The following ACLY variants were observed in gnomAD, a reference collection of about 807,000 sequenced individuals.
The protein encoded by ACLY is ATP citrate lyase.
Under a neutral mutation model 133.0 loss-of-function variants are expected in ACLY, and 41 were observed. That is an observed-to-expected ratio of 0.31 (90% CI 0.24 to 0.40). The LOEUF is 0.40. Ranked by LOEUF, ACLY falls within the 10% of genes least tolerant of loss-of-function variation. The pLI is 1.00. For missense variants in ACLY, 1,046 were observed against 1,453.8 expected, an observed-to-expected ratio of 0.72 and a Z score of 4.56; for synonymous variants, 495 against 549.3, an observed-to-expected ratio of 0.90 and a Z score of 1.38.
chr17:41,926,211 G>A (rs1555635944), intron 1 of ACLY, among the ~76,000 whole-genome samples: 1 of 152,124 alleles, frequency 6.6e-6, no homozygotes, highest in East Asian at 1.9e-4. Flanking sequence ...AATAACATGA[G>A]GAACATAGCT....
At chr17:41,899,508 C>T (rs551556398) in intron 11 of ACLY, among the ~76,000 whole-genome samples, 2 of 152,208 alleles carry the variant, frequency 1.3e-5, no homozygotes, top group African/African-American at 4.8e-5. Flanking sequence ...CATGGAGCTT[C>T]ACCTGGCTGC....
chr17:41,916,644 G>C (rs2050060008), intron 1 of ACLY, among the ~76,000 whole-genome samples: 1 of 151,618 alleles, frequency 6.6e-6, no homozygotes, highest in Admixed American at 6.6e-5. Context: ...CAAAGTGCTG[G>C]GATTTACAGG....
intron 15 of ACLY, among the ~76,000 whole-genome samples, chr17:41,892,669 C>A (rs1265265618): frequency 6.6e-6 from 1 of 151,834 alleles, no homozygotes; most frequent in African/African-American, 2.4e-5. Context: ...ACTGACTCCT[C>A]AAGCCTTGCC....
chr17:41,929,649 T>C lies in ACLY; in HGVS notation c.-28+709A>G, dbSNP rs181404524. Among the ~76,000 whole-genome samples the C allele has an allele frequency of 9.6e-4, 146 of 152,328 alleles. 1 individual carries two copies. The highest frequency in any genetic ancestry group is 3.3e-3 in the African/African-American group (138 of 41,582). The stretch of plus-strand genomic sequence containing the variant: ...ATAAAACTCCTTCAAGCAGGGACCA[T>C]ATTATTTCTTATATTTTGAATTAAA... On this transcript the variant is annotated intron_variant, in intron 1 of 3. Coordinates refer to the ACLY transcript ENST00000592970.
At chr17:41,926,121 A>G (rs2050240833) in intron 1 of ACLY, among the ~76,000 whole-genome samples, 2 of 152,226 alleles carry the variant, frequency 1.3e-5, no homozygotes, top group African/African-American at 4.8e-5. Context: ...CTGGGATTAC[A>G]GGAGTGAGCC....
At chr17:41,905,460 T>G in intron 9 of ACLY, 62 bp downstream of exon 9, 1 of 1,605,332 alleles carries the variant, frequency 6.2e-7, no homozygotes, top group Non-Finnish European at 8.5e-7. Context: ...GCTGTCCCAT[T>G]GCAGCCTGCT....
At chr17:41,892,814 C>A (rs1463096662) in intron 15 of ACLY, among the ~76,000 whole-genome samples, 1 of 152,114 alleles carries the variant, frequency 6.6e-6, no homozygotes, top group Non-Finnish European at 1.5e-5. Context: ...GTAGCTGGGA[C>A]TACAGGTGCA....
At position 41,871,689 on chromosome 17, in the gene ACLY, C is replaced by T. The variant is rs377133203; in HGVS notation, c.2937G>A (p.Ser979=). The change falls in exon 25 of 29, where the codon TCG becomes TCA. Residue 979 remains serine, a splice_region_variant and synonymous_variant. Transcript: ENST00000352035. ...CTTTTTTAGGAGAGTAACAACTCAC[C>T]GACTTCACTCGGTGACCAATGCCCA... ...LIMGIGHRVK[S]INNPDMRVQI... 8.1e-6 allele frequency: 13 copies of T among 1,613,872 alleles called. No homozygotes were observed. Among genetic ancestry groups the T allele is most frequent in the African/African-American group, 4.0e-5 (3 of 74,904 alleles).
chr17:41,926,240 CTG>C (rs561206847), intron 1 of ACLY, among the ~76,000 whole-genome samples: 10 of 152,290 alleles, frequency 6.6e-5, no homozygotes, highest in Non-Finnish European at 1.3e-4. Context: ...CTGGGACACA[CTG>C]GAATCCAATT....
At chr17:41,930,104 C>T (rs1450008195) in intron 1 of ACLY, among the ~76,000 whole-genome samples, 2 of 152,202 alleles carry the variant, frequency 1.3e-5, no homozygotes, top group African/African-American at 2.4e-5. Context: ...AGTAGCTGCT[C>T]AAATAACTGC....
chr17:41,903,891 G>T (rs1347616319), intron 10 of ACLY, among the ~76,000 whole-genome samples: 1 of 151,662 alleles, frequency 6.6e-6, no homozygotes, highest in Non-Finnish European at 1.5e-5. Context: ...AGGCTAAGGC[G>T]GGTGGATCAC....
At position 41,878,939 on chromosome 17, in the gene ACLY, A is replaced by G. The variant is rs1555626683; in HGVS notation, c.2266-15T>C. 1 of 1,613,902 alleles carries G rather than the reference A, an allele frequency of 6.2e-7. No homozygotes were observed. The highest frequency in any genetic ancestry group is 8.5e-7 in the Non-Finnish European group (1 of 1,179,856). ...CCAAACTGGACCTGGAAAGCAAAGG[A>G]AAGTAGCTTTACTGCTAATCCCCCA... On this transcript the variant is annotated splice_polypyrimidine_tract_variant and intron_variant, in intron 20 of 28. Coordinates refer to ENST00000352035, the MANE Select transcript of ACLY (RefSeq NM_001096.3).
Position 41,886,261 on chromosome 17 carries a change from C to T in ACLY, c.1923G>A (p.Gly641=), listed in dbSNP as rs781863937. 1 of 1,613,888 alleles carries T rather than the reference C, an allele frequency of 6.2e-7. No individual in the cohort carries two copies. Among genetic ancestry groups the T allele is most frequent in the South Asian group, 1.1e-5 (1 of 91,086 alleles). Reference sequence around the variant, plus strand: ...TGGAGGCCAGGATGTTGTCCAGCATCCCACCTGTGTTGCCAATCTTAAAGC... The same window carrying T: ...TGGAGGCCAGGATGTTGTCCAGCATTCCACCTGTGTTGCCAATCTTAAAGC... ...PGCFKIGNTG[G]MLDNILASKL... Residue 641 remains glycine (G), a synonymous_variant, in exon 18 of 29, where the codon GGG becomes GGA. Transcript: ENST00000352035.
At chr17:41,879,724 C>CT (rs200302862) in intron 20 of ACLY, among the ~76,000 whole-genome samples, 190 of 99,818 alleles carry the variant, frequency 1.9e-3, no homozygotes, top group Middle Eastern at 8.9e-3. Flanking sequence ...TTCTTTCTTT[C>CT]TTTTTTTTTT....
chr17:41,871,986 A>G (rs782732008), intron 24 of ACLY, 46 bp downstream of exon 24: 2 of 1,609,298 alleles, frequency 1.2e-6, no homozygotes, highest in Admixed American at 1.7e-5. Flanking sequence ...CATGAGGCCA[A>G]GGCCCAGTGT....
intron 20 of ACLY, among the ~76,000 whole-genome samples, chr17:41,880,332 A>G (rs1437693865): frequency 6.6e-6 from 1 of 152,186 alleles, no homozygotes; most frequent in Admixed American, 6.5e-5. Context: ...CACCATGCAA[A>G]CAGAACAAAA....
chr17:41,869,339 T>C (rs1210126241), intron 26 of ACLY, 135 bp downstream of exon 26: 5 of 852,166 alleles, frequency 5.9e-6, no homozygotes. Context: ...CTGTTAAATT[T>C]AGTTATGAAA....
intron 25 of ACLY, among the ~76,000 whole-genome samples, chr17:41,870,116 A>G (rs1034518622): frequency 6.6e-5 from 10 of 152,228 alleles, no homozygotes; most frequent in African/African-American, 2.4e-4. Flanking sequence ...ATCTAGGGAC[A>G]TACCAAATCG....
chr17:41,923,247 G>A (rs1457133322), upstream of ACLY, among the ~76,000 whole-genome samples: 2 of 152,144 alleles, frequency 1.3e-5, no homozygotes, highest in Non-Finnish European at 2.9e-5. Context: ...CTTCTAGACT[G>A]GACTAGAGGA....
Sources: gnomAD v4.1 joint callset for allele counts (sites outside exome capture counted in the v4.1 genomes callset) on GRCh38, gnomAD v4.1.1 for gene constraint, MANE v1.5 for transcripts, NCBI Gene and HGNC (gene_info 2026-07-23, HGNC 2026-07-21) for gene names.